LPP: variants seen among roughly 807,000 people sequenced by gnomAD.
The protein encoded by LPP is LIM domain containing preferred translocation partner in lipoma, also known as lipoma-preferred partner.
In LPP, 38 loss-of-function variants were observed where a neutral mutation model predicts 60.4. That is an observed-to-expected ratio of 0.63 (90% CI 0.49 to 0.83). The LOEUF (loss-of-function observed/expected upper bound fraction) is 0.83. Among genes scored for constraint, LPP ranks in the 40% least tolerant of loss-of-function variants. The probability of loss-of-function intolerance (pLI) is 0.00; values close to 1 mark genes in which losing one functional copy is unlikely to be tolerated. For missense variants in LPP, 902 were observed against 783.6 expected (o/e 1.15, Z -1.80); for synonymous variants, 328 against 290.8 (o/e 1.13, Z -1.30).
At position 188,886,037 on chromosome 3, in the gene LPP, A is replaced by G. The variant is rs1268851330; in HGVS notation, c.*11558A>G. The G allele has an allele frequency of 6.6e-6, 1 of 152,068 alleles. No homozygotes were observed. The highest frequency in any genetic ancestry group is 2.4e-5 in the African/African-American group (1 of 41,408). The allele number at this position is 152,068 out of a possible 1,614,324, so 9.4% of individuals were successfully genotyped here. A position where few individuals can be genotyped will look rare whatever the true frequency, so the allele number is the denominator to read the frequency against. On this transcript the variant is annotated 3_prime_UTR_variant, in exon 12 of 12. Coordinates refer to ENST00000617246, the MANE Select transcript of LPP (RefSeq NM_001375462.1). Reference sequence around the variant, plus strand: ...GAAATTGGAAATCATCATTCTCAGTAAACTATCTCAAGGACAAAAAACCAA... The same window carrying G: ...GAAATTGGAAATCATCATTCTCAGTGAACTATCTCAAGGACAAAAAACCAA...
intron 3 of LPP, among the ~76,000 whole-genome samples, chr3:188,347,814 G>A (rs554167945): frequency 3.9e-5 from 6 of 152,282 alleles, no homozygotes; most frequent in East Asian, 3.9e-4. Flanking sequence ...AAGACGCCTC[G>A]GAGTTTCTCA....
Position 188,883,887 on chromosome 3 carries a change from G to A in LPP, c.*9408G>A. 4.6e-6 allele frequency: 1 copy of A among 218,746 alleles called. No homozygotes were observed. The highest frequency in any genetic ancestry group is 9.2e-6 in the Non-Finnish European group (1 of 109,078). 13.6% of individuals were successfully genotyped at this position (218,746 alleles called of 1,614,324 possible). On this transcript the variant is annotated 3_prime_UTR_variant, in exon 12 of 12. Transcript: ENST00000617246. ...GAAAAGGATATCGTTCTTGAGGAGAGGGGTTCTATTATGCTATAGTTTTCT... is the reference window on the plus strand; with the variant it reads ...GAAAAGGATATCGTTCTTGAGGAGAAGGGTTCTATTATGCTATAGTTTTCT...
At chr3:188,571,928 T>C (rs1833630768) in intron 6 of LPP, among the ~76,000 whole-genome samples, 1 of 152,074 alleles carries the variant, frequency 6.6e-6, no homozygotes, top group South Asian at 2.1e-4. Context: ...CTAATTACTG[T>C]TACGTGGTAA....
At chr3:188,602,867 G>C (rs907999402) in intron 6 of LPP, among the ~76,000 whole-genome samples, 3 of 151,104 alleles carry the variant, frequency 2.0e-5, no homozygotes, top group African/African-American at 7.3e-5. Context: ...TTTTTTTCTC[G>C]GTCTCCCAAG....
At chr3:188,336,119 A>T (rs971716728) in intron 2 of LPP, among the ~76,000 whole-genome samples, 3 of 151,880 alleles carry the variant, frequency 2.0e-5, no homozygotes, top group Non-Finnish European at 4.4e-5. Context: ...TCCTATTCTT[A>T]TTTTTTTCAT....
chr3:188,713,495 T>G (rs78649707), intron 8 of LPP, among the ~76,000 whole-genome samples: 4,962 of 152,236 alleles, frequency 0.033, 137 homozygotes, highest in South Asian at 0.1. Flanking sequence ...ATATTAATGG[T>G]GTTGTGATTA....
chr3:188,700,723 A>T (rs1468428160), intron 7 of LPP, among the ~76,000 whole-genome samples: 1 of 152,180 alleles, frequency 6.6e-6, no homozygotes. Context: ...GTTTCAGGGG[A>T]TGCTGACAAC....
Position 188,881,491 on chromosome 3 carries a change from G to C in LPP, c.*7012G>C, listed in dbSNP as rs1770015776. 1 of 211,964 alleles carries C rather than the reference G, an allele frequency of 4.7e-6. No homozygotes were observed. The highest frequency in any genetic ancestry group is 2.3e-5 in the African/African-American group (1 of 44,230). 13.1% of individuals were successfully genotyped at this position (211,964 alleles called of 1,614,324 possible). ...ACCATGAGTCAGGCTAGGTTGAAAG[G>C]CTTTCTTTAGGGTTGAAAGTAAACG... On this transcript the variant is annotated 3_prime_UTR_variant, in exon 12 of 12. Coordinates refer to ENST00000617246, the MANE Select transcript of LPP (RefSeq NM_001375462.1).
intron 7 of LPP, among the ~76,000 whole-genome samples, chr3:188,653,271 T>A (rs754979367): frequency 6.6e-6 from 1 of 152,220 alleles, no homozygotes. Context: ...ACTTCCCTCA[T>A]TGAGCTGTTG....
intron 6 of LPP, among the ~76,000 whole-genome samples, chr3:188,591,053 C>G (rs528105710): frequency 6.6e-6 from 1 of 152,118 alleles, no homozygotes. Context: ...TCTGAGGGTT[C>G]ACATAGGAGC....
At chr3:188,513,638 A>T (rs1182476176) in intron 5 of LPP, among the ~76,000 whole-genome samples, 2 of 151,754 alleles carry the variant, frequency 1.3e-5, no homozygotes, top group Non-Finnish European at 2.9e-5. Context: ...TATTTATATT[A>T]TTTTTATTTT....
chr3:188,688,598 C>T (rs756110974), intron 7 of LPP, among the ~76,000 whole-genome samples: 1 of 152,126 alleles, frequency 6.6e-6, no homozygotes, highest in Non-Finnish European at 1.5e-5. Flanking sequence ...AAGTAGTACT[C>T]AGGAGTTTGA....
At chr3:188,336,483 G>A (rs986174937) in intron 2 of LPP, among the ~76,000 whole-genome samples, 3 of 152,156 alleles carry the variant, frequency 2.0e-5, no homozygotes, top group African/African-American at 7.2e-5. Context: ...GAGCCAGTAG[G>A]GTTCAGTGGC....
At chr3:188,374,723 G>T (rs1371185786) in intron 3 of LPP, among the ~76,000 whole-genome samples, 1 of 152,074 alleles carries the variant, frequency 6.6e-6, no homozygotes. Context: ...GATTGCCCTG[G>T]CCAGAACTTC....
chr3:188,331,855 T>C (rs1160139635), intron 2 of LPP, among the ~76,000 whole-genome samples: 1 of 152,252 alleles, frequency 6.6e-6, no homozygotes, highest in Non-Finnish European at 1.5e-5. Context: ...TTAATCTTTC[T>C]AAACCTCAGT....
chr3:188,769,548 A>G (rs1210958980), intron 9 of LPP, among the ~76,000 whole-genome samples: 2 of 152,202 alleles, frequency 1.3e-5, no homozygotes, highest in South Asian at 2.1e-4. Context: ...TGCTGTTGTC[A>G]TAGAATTAGA....
At chr3:188,566,405 A>G (rs1434175637) in intron 6 of LPP, among the ~76,000 whole-genome samples, 2 of 151,942 alleles carry the variant, frequency 1.3e-5, no homozygotes, top group Non-Finnish European at 1.5e-5. Flanking sequence ...TCTGTATCAT[A>G]TTTCATGTTA....
At chr3:188,456,104 T>C (rs1797676687) in intron 4 of LPP, among the ~76,000 whole-genome samples, 1 of 152,150 alleles carries the variant, frequency 6.6e-6, no homozygotes. Flanking sequence ...GTTGTCCATG[T>C]TGGCACTGGG....
intron 4 of LPP, among the ~76,000 whole-genome samples, chr3:188,442,895 T>C (rs1794363092): frequency 6.6e-6 from 1 of 152,224 alleles, no homozygotes; most frequent in African/African-American, 2.4e-5. Flanking sequence ...ATACGTGAGT[T>C]ACCCAGAGGA....
Sources: allele counts gnomAD v4.1 joint callset (sites outside exome capture counted in the v4.1 genomes callset), GRCh38; gene constraint gnomAD v4.1.1; transcripts MANE v1.5; gene names NCBI Gene and HGNC (gene_info 2026-07-23, HGNC 2026-07-21).